The following EFCAB8 variants were observed in gnomAD, a reference collection of about 807,000 sequenced individuals.
EFCAB8 encodes EF-hand calcium-binding domain-containing protein 8.
A neutral mutation model predicts 116.3 loss-of-function variants in EFCAB8; 100 were observed. That is an observed-to-expected ratio of 0.86 (90% CI 0.73 to 1.02). The LOEUF (loss-of-function observed/expected upper bound fraction) is 1.02, where lower values mean the gene tolerates loss of function less well. EFCAB8 is among the 50% of genes least tolerant of loss of function. The pLI, the probability that EFCAB8 is intolerant of heterozygous loss-of-function variation, is 0.00. For synonymous variants in EFCAB8, 558 were observed against 567.9 expected (o/e 0.98, Z 0.25); for missense variants, 1,320 against 1,416.9 (o/e 0.93, Z 1.10).
intron 22 of EFCAB8, among the ~76,000 whole-genome samples, chr20:32,934,517 GT>G (rs1568939149): frequency 6.6e-6 from 1 of 152,248 alleles, no homozygotes; most frequent in Admixed American, 6.5e-5. Flanking sequence ...TCTAATTTTA[GT>G]TTTTTGAGGA....
chr20:32,960,235 C>G (rs1989105929), intron 26 of EFCAB8, 74 bp downstream of exon 26: 2 of 1,366,980 alleles, frequency 1.5e-6, no homozygotes, highest in Non-Finnish European at 1.0e-6. Context: ...CAGCAGCCAC[C>G]CTTGTGCCCA....
At position 32,867,842 on chromosome 20, in the gene EFCAB8, AT is replaced by A. The variant is rs540938645; in HGVS notation, c.208+105del. ...TGTGGAGGGTTCAGACATAATAAGCATTTTTTTTTTGTTTTTGAGACAGGAT... is the reference window on the plus strand; with the variant it reads ...TGTGGAGGGTTCAGACATAATAAGCATTTTTTTTTGTTTTTGAGACAGGAT... On this transcript the variant is annotated intron_variant, in intron 3 of 26. Coordinates refer to ENST00000400522, the MANE Select transcript of EFCAB8 (RefSeq NM_001143967.2). The A allele has an allele frequency of 8.8e-3, 10,330 of 1,180,186 alleles. 1 individual carries two copies. The highest frequency in any genetic ancestry group is 0.011 in the East Asian group (361 of 32,332). The allele number at this position is 1,180,186 out of a possible 1,614,324, so 73.1% of individuals were successfully genotyped here. A position where few individuals can be genotyped will look rare whatever the true frequency, so the allele number is the denominator to read the frequency against.
chr20:32,922,829 G>C (rs1232035129), intron 20 of EFCAB8, among the ~76,000 whole-genome samples: 3 of 148,466 alleles, frequency 2.0e-5, no homozygotes, highest in South Asian at 2.1e-4. Flanking sequence ...CTCTCTCTCT[G>C]TATCTCTCTC....
chr20:32,938,281 C>T (rs1988199638), intron 22 of EFCAB8, among the ~76,000 whole-genome samples: 1 of 149,676 alleles, frequency 6.7e-6, no homozygotes, highest in South Asian at 2.1e-4. Context: ...ATTGAAACAC[C>T]CAATAAACTA....
chr20:32,875,123 G>A (rs1984888768), intron 3 of EFCAB8, among the ~76,000 whole-genome samples: 1 of 152,158 alleles, frequency 6.6e-6, no homozygotes, highest in African/African-American at 2.4e-5. Context: ...AATGGGAGTT[G>A]GTCTTTTTTA....
chr20:32,907,403 C>A (rs1375432112), intron 13 of EFCAB8, among the ~76,000 whole-genome samples: 1 of 152,250 alleles, frequency 6.6e-6, no homozygotes, highest in African/African-American at 2.4e-5. Flanking sequence ...GCTCTAGTGA[C>A]CCCTCCTCGG....
At chr20:32,936,564 G>A (rs1988126927) in intron 22 of EFCAB8, among the ~76,000 whole-genome samples, 1 of 152,118 alleles carries the variant, frequency 6.6e-6, no homozygotes, top group Non-Finnish European at 1.5e-5. Context: ...TTATTGAAAA[G>A]ACTGTCTTTT....
intron 2 of EFCAB8, among the ~76,000 whole-genome samples, chr20:32,865,409 AAGAT>A (rs1984338425): frequency 6.6e-6 from 1 of 151,958 alleles, no homozygotes; most frequent in African/African-American, 2.4e-5. Context: ...TGAAACTAGA[AAGAT>A]AGGTCAGAGC....
At chr20:32,859,561 C>G (rs1894023096) in intron 1 of EFCAB8, among the ~76,000 whole-genome samples, 3 of 152,136 alleles carry the variant, frequency 2.0e-5, no homozygotes, top group Non-Finnish European at 1.5e-5. Context: ...TGGTGAAAGA[C>G]ATTTATCTTA....
chr20:32,880,053 G>A (rs1985241601), intron 5 of EFCAB8, among the ~76,000 whole-genome samples: 1 of 152,116 alleles, frequency 6.6e-6, no homozygotes, highest in Non-Finnish European at 1.5e-5. Flanking sequence ...ACTGCTGCCT[G>A]GGGCAGGTGG....
chr20:32,872,439 T>G (rs1984727916), intron 3 of EFCAB8, among the ~76,000 whole-genome samples: 1 of 152,110 alleles, frequency 6.6e-6, no homozygotes, highest in Non-Finnish European at 1.5e-5. Context: ...AACAGGCTCA[T>G]GCCTGCCATC....
Position 32,961,237 on chromosome 20 carries a change from C to T in EFCAB8, c.3495C>T (p.His1165=). Residue 1165 remains histidine, a synonymous_variant, in exon 27 of 27, where the codon CAC becomes CAT. Transcript: ENST00000400522. ...GGGGCCCAGACCAGCAAGACCAGCA[C>T]ATCCGCCTGGTGGCCCACCATGTCC... The part of the protein sequence containing the change: ...TSRGPDQQDQ[H]IRLVAHHVQK... 1.9e-6 allele frequency: 3 copies of T among 1,551,740 alleles called. No individual in the cohort carries two copies. Among genetic ancestry groups the T allele is most frequent in the Non-Finnish European group, 2.6e-6 (3 of 1,146,852 alleles).
chr20:32,896,900 A>C (rs1986188464), intron 10 of EFCAB8, among the ~76,000 whole-genome samples: 1 of 152,166 alleles, frequency 6.6e-6, no homozygotes, highest in South Asian at 2.1e-4. Flanking sequence ...GCTTCTCATC[A>C]CATTTGGAAC....
At chr20:32,954,187 C>T (rs548195938) in intron 23 of EFCAB8, among the ~76,000 whole-genome samples, 20 of 152,128 alleles carry the variant, frequency 1.3e-4, no homozygotes, top group Non-Finnish European at 2.2e-4. Context: ...AGTGTCATAT[C>T]CAAGAAATAA....
intron 6 of EFCAB8, 111 bp from the exon 7 acceptor site, chr20:32,889,190 A>G (rs1023812531): frequency 2.3e-6 from 2 of 865,844 alleles, no homozygotes; most frequent in Non-Finnish European, 3.7e-6. Flanking sequence ...GCTAGGCTCC[A>G]TGCCAGGTCT....
chr20:32,944,267 G>GTGTT (rs113037350), intron 23 of EFCAB8, among the ~76,000 whole-genome samples: 27 of 152,068 alleles, frequency 1.8e-4, no homozygotes, highest in Middle Eastern at 3.4e-3. Flanking sequence ...GTCTTCCTAT[G>GTGTT]TGTTTGTTTG....
At chr20:32,923,150 C>T (rs559723198) in intron 20 of EFCAB8, among the ~76,000 whole-genome samples, 3 of 152,298 alleles carry the variant, frequency 2.0e-5, no homozygotes, top group African/African-American at 4.8e-5. Context: ...TGCCACTGCA[C>T]TCCAGCCTGG....
chr20:32,961,608 G>A lies in EFCAB8; in HGVS notation c.3866G>A (p.Ter1289=), dbSNP rs1022490723. The A allele has an allele frequency of 4.5e-6, 6 of 1,328,136 alleles. No homozygotes were observed. In the African/African-American group the frequency reaches 8.9e-5, roughly 20 times the overall value. The allele number at this position is 1,328,136 out of a possible 1,614,324, so 82.3% of individuals were successfully genotyped here. ...AAGGGGAGCTCCCATGTCAGGTTCTGAGGTGCTCCGCTGTCTTCTCTAGTC... is the reference window on the plus strand; with the variant it reads ...AAGGGGAGCTCCCATGTCAGGTTCTAAGGTGCTCCGCTGTCTTCTCTAGTC... The part of the protein sequence containing the change: ...SVKGSSHVRF[*] The change falls in exon 27 of 27, where the codon TGA becomes TAA. Residue 1289 remains the stop codon, a stop_retained_variant. Coordinates refer to ENST00000400522, the MANE Select transcript of EFCAB8 (RefSeq NM_001143967.2).
intron 17 of EFCAB8, among the ~76,000 whole-genome samples, chr20:32,914,936 T>C (rs1055924435): frequency 1.3e-5 from 2 of 152,258 alleles, no homozygotes; most frequent in African/African-American, 4.8e-5. Flanking sequence ...TCTCACTCTG[T>C]CACCCAGGCT....
Sources: allele counts gnomAD v4.1 joint callset (sites outside exome capture counted in the v4.1 genomes callset), GRCh38; gene constraint gnomAD v4.1.1; transcripts MANE v1.5; gene names NCBI Gene and HGNC (gene_info 2026-07-23, HGNC 2026-07-21).